SORCS1: variants seen among roughly 807,000 people sequenced by gnomAD.
SORCS1 encodes the protein VPS10 domain-containing receptor SorCS1.
In SORCS1, 60 loss-of-function variants were observed where a neutral mutation model predicts 146.1. That is an observed-to-expected ratio of 0.41 (90% confidence interval 0.33 to 0.51). The LOEUF is 0.51. Ranked by LOEUF, SORCS1 falls within the 20% of genes least tolerant of loss-of-function variation. The probability of loss-of-function intolerance (pLI) is 0.21; values close to 1 mark genes in which losing one functional copy is unlikely to be tolerated. For missense variants in SORCS1, 1,352 were observed against 1,487.6 expected (o/e 0.91, Z 1.50); for synonymous variants, 637 against 584.0 (o/e 1.09, Z -1.31).
At chr10:106,922,042 A>T (rs1952736982) in intron 2 of SORCS1, among the ~76,000 whole-genome samples, 1 of 152,252 alleles carries the variant, frequency 6.6e-6, no homozygotes, top group Admixed American at 6.5e-5. Context: ...AAGAAATATA[A>T]GAAAGGTCAA....
chr10:106,650,537 G>A (rs1310342031), intron 18 of SORCS1, among the ~76,000 whole-genome samples: 1 of 152,186 alleles, frequency 6.6e-6, no homozygotes, highest in African/African-American at 2.4e-5. Flanking sequence ...CCCTGTATGT[G>A]TGCTGCTTCC....
chr10:107,028,102 T>C (rs968751595), intron 1 of SORCS1, among the ~76,000 whole-genome samples: 6 of 152,248 alleles, frequency 3.9e-5, no homozygotes, highest in Non-Finnish European at 5.9e-5. Context: ...ATGAATTGAA[T>C]TAATGAGCAG....
At chr10:106,836,132 A>G (rs1948770808) in intron 2 of SORCS1, among the ~76,000 whole-genome samples, 1 of 152,192 alleles carries the variant, frequency 6.6e-6, no homozygotes, top group Non-Finnish European at 1.5e-5. Context: ...ATCACATGTT[A>G]CAAATAAGGA....
chr10:106,899,996 A>C (rs10884373), intron 2 of SORCS1, among the ~76,000 whole-genome samples: 1 of 151,500 alleles, frequency 6.6e-6, no homozygotes, highest in Non-Finnish European at 1.5e-5. Flanking sequence ...TGAGATGTCC[A>C]TCTCTTCCTT....
At chr10:106,996,594 T>A (rs1957015883) in intron 1 of SORCS1, among the ~76,000 whole-genome samples, 1 of 152,218 alleles carries the variant, frequency 6.6e-6, no homozygotes. Flanking sequence ...GACATTATCC[T>A]GACCACCACT....
At chr10:106,945,830 G>A (rs1246900193) in intron 2 of SORCS1, among the ~76,000 whole-genome samples, 2 of 152,220 alleles carry the variant, frequency 1.3e-5, no homozygotes, top group Non-Finnish European at 2.9e-5. Context: ...TGCAAGCTGA[G>A]GCCAGACTCT....
chr10:107,174,306 C>T, the SORCS1 span, among the ~76,000 whole-genome samples: 3 of 152,054 alleles, frequency 2.0e-5, no homozygotes, highest in South Asian at 2.1e-4. Flanking sequence ...CCCGGGTTCA[C>T]GCCGTTCTCC....
chr10:106,808,501 T>A (rs534194632), intron 3 of SORCS1, among the ~76,000 whole-genome samples: 642 of 152,124 alleles, frequency 4.2e-3, no homozygotes, highest in African/African-American at 0.014. Flanking sequence ...AGTTTATTTA[T>A]TTTATTTATT....
intron 2 of SORCS1, among the ~76,000 whole-genome samples, chr10:106,905,284 T>G (rs1951864529): frequency 6.6e-6 from 1 of 152,158 alleles, no homozygotes; most frequent in African/African-American, 2.4e-5. Flanking sequence ...TTTAGAAAAT[T>G]AAGTTGGAGA....
chr10:107,032,499 G>C (rs926725189), intron 1 of SORCS1, among the ~76,000 whole-genome samples: 2 of 152,104 alleles, frequency 1.3e-5, no homozygotes. Context: ...TTTTCTGTTA[G>C]TTACAGAAAC....
At chr10:107,173,446 C>G in the SORCS1 span, among the ~76,000 whole-genome samples, 1 of 152,054 alleles carries the variant, frequency 6.6e-6, no homozygotes, top group Non-Finnish European at 1.5e-5. Context: ...TGTTAATTTG[C>G]TTGACTTTAG....
In SORCS1 at chr10:106,684,064, G is replaced by A. The variant is rs548614141; in HGVS notation, c.1560+4128C>T. On this transcript the variant is annotated intron_variant, in intron 10 of 25. Coordinates refer to ENST00000263054, the MANE Select transcript of SORCS1 (RefSeq NM_052918.5). The stretch of plus-strand genomic sequence containing the variant: ...GCAAACTGCCAGATAGGCCGGGCAC[G>A]GTGGCTCATGCCTGTAATCCCAGCA... Among the ~76,000 whole-genome samples the A allele has an allele frequency of 7.7e-4, 118 of 152,280 alleles. 1 individual carries two copies. In the Middle Eastern group the frequency reaches 0.014, roughly 18 times the overall value.
At chr10:106,654,544 C>T (rs1377761703) in intron 17 of SORCS1, among the ~76,000 whole-genome samples, 1 of 152,168 alleles carries the variant, frequency 6.6e-6, no homozygotes, top group African/African-American at 2.4e-5. Flanking sequence ...TCCTTGAGGG[C>T]CTCCTTGTGT....
At chr10:106,855,388 A>T (rs565875376) in intron 2 of SORCS1, among the ~76,000 whole-genome samples, 1 of 152,058 alleles carries the variant, frequency 6.6e-6, no homozygotes, top group Non-Finnish European at 1.5e-5. Context: ...TTTGACATTT[A>T]TCCTGCTTAG....
At chr10:107,065,501 TCCTCTC>T (rs1269367637) in intron 1 of SORCS1, among the ~76,000 whole-genome samples, 2,248 of 89,924 alleles carry the variant, frequency 0.025, 112 homozygotes, top group African/African-American at 0.1. Context: ...TCCTCTCCTC[TCCTCTC>T]CTCTCTTTCT....
chr10:107,135,414 T>C (rs987095249), intron 1 of SORCS1, among the ~76,000 whole-genome samples: 8 of 152,214 alleles, frequency 5.3e-5, no homozygotes, highest in African/African-American at 1.7e-4. Context: ...AAAAGTATCA[T>C]ACACATAGAT....
At chr10:106,717,878 G>A (rs1236888746) in intron 6 of SORCS1, among the ~76,000 whole-genome samples, 1 of 152,210 alleles carries the variant, frequency 6.6e-6, no homozygotes, top group East Asian at 1.9e-4. Context: ...CTGCACAGAT[G>A]TTTTACTCTG....
chr10:106,772,707 T>C (rs921486783), intron 4 of SORCS1, among the ~76,000 whole-genome samples: 1 of 152,144 alleles, frequency 6.6e-6, no homozygotes, highest in Non-Finnish European at 1.5e-5. Flanking sequence ...TGACCTCCCA[T>C]AGGACTGATA....
At chr10:106,892,854 C>T (rs562644580) in intron 2 of SORCS1, among the ~76,000 whole-genome samples, 118 of 149,800 alleles carry the variant, frequency 7.9e-4, no homozygotes, top group African/African-American at 2.8e-3. Context: ...CTAAAACTCA[C>T]TCAATAAAAT....
Sources: allele counts gnomAD v4.1 joint callset (sites outside exome capture counted in the v4.1 genomes callset), GRCh38; gene constraint gnomAD v4.1.1; transcripts MANE v1.5; gene names NCBI Gene and HGNC (gene_info 2026-07-23, HGNC 2026-07-21).